Variants in PTCHD4 observed in about 807,000 individuals in gnomAD.
PTCHD4 encodes patched domain containing 4.
Under a neutral mutation model 58.1 loss-of-function variants are expected in PTCHD4, and 33 were observed. The observed-to-expected ratio is 0.57, with a 90% CI of 0.43 to 0.76. The LOEUF (loss-of-function observed/expected upper bound fraction) is 0.76. PTCHD4 is among the 30% of genes least tolerant of loss of function. PTCHD4 has a pLI of 0.00. For missense variants in PTCHD4, 1,058 were observed against 1,027.1 expected (o/e 1.03, Z -0.41); for synonymous variants, 478 against 409.6 (o/e 1.17, Z -2.02).
chr6:47,891,054 A>AG (rs1202843375), intron 4 of PTCHD4: 1 of 160,364 alleles, frequency 6.2e-6, no homozygotes, highest in Non-Finnish European at 1.3e-5. Flanking sequence ...CTAAAAAAAA[A>AG]AAAAAAAAGT....
chr6:48,007,936 GCA>G (rs10554552), intron 4 of PTCHD4, among the ~76,000 whole-genome samples: 35,268 of 150,228 alleles, frequency 0.23, 4,920 homozygotes, highest in Non-Finnish European at 0.32. Context: ...GTGCGCGCGC[GCA>G]CACACACACA....
intron 4 of PTCHD4, among the ~76,000 whole-genome samples, chr6:47,960,636 C>T (rs1324287557): frequency 2.0e-5 from 3 of 151,676 alleles, no homozygotes; most frequent in African/African-American, 7.3e-5. Context: ...ATTATTCCTG[C>T]AATATAATAC....
chr6:47,905,381 T>C (rs532786683), intron 4 of PTCHD4, among the ~76,000 whole-genome samples: 1 of 152,324 alleles, frequency 6.6e-6, no homozygotes, highest in Non-Finnish European at 1.5e-5. Flanking sequence ...GATGGTGGCT[T>C]AGACTAAGTT....
At chr6:47,982,519 C>T (rs1365309382) in intron 4 of PTCHD4, among the ~76,000 whole-genome samples, 1 of 133,376 alleles carries the variant, frequency 7.5e-6, no homozygotes, top group African/African-American at 2.8e-5. Flanking sequence ...GATGGAGTCT[C>T]GCTCAGTCGC....
intron 3 of PTCHD4, among the ~76,000 whole-genome samples, chr6:48,052,242 G>A (rs570945534): frequency 6.6e-6 from 1 of 152,026 alleles, no homozygotes; most frequent in East Asian, 1.9e-4. Context: ...AAACAAAAAG[G>A]GTAGGAGGTT....
chr6:48,105,098 A>G (rs1478531876), intron 1 of PTCHD4, among the ~76,000 whole-genome samples: 3 of 152,210 alleles, frequency 2.0e-5, no homozygotes, highest in Admixed American at 6.5e-5. Flanking sequence ...TGCACCAAGC[A>G]GACCTAATAG....
rs1763580904 is a variant in PTCHD4 at position 47,866,920 on chromosome 6, G to A, written c.*11383C>T. 6.6e-6 allele frequency among the ~76,000 whole-genome samples: 1 copy of A among 151,700 alleles called. No individual in the cohort carries two copies. Among genetic ancestry groups the A allele is most frequent in the African/African-American group, 2.4e-5 (1 of 41,358 alleles). ...AATTTACATTTAGAAAAGGATAGAT[G>A]GGGAGAAAATCTATGCAGTTATTTT... On this transcript the variant is annotated 3_prime_UTR_variant, in exon 5 of 5. Transcript: ENST00000339488.
intron 3 of PTCHD4, among the ~76,000 whole-genome samples, chr6:48,038,700 T>C (rs1165394793): frequency 6.7e-6 from 1 of 148,200 alleles, no homozygotes; most frequent in East Asian, 2.0e-4. Flanking sequence ...CTAACCTGAG[T>C]TTATAAGGAT....
At chr6:47,917,206 C>T (rs113572861) in intron 4 of PTCHD4, among the ~76,000 whole-genome samples, 7,147 of 151,518 alleles carry the variant, frequency 0.047, 194 homozygotes, top group East Asian at 0.079. Context: ...TTCAATAATG[C>T]TATTTTGGGC....
rs1373274397 is a variant in PTCHD4, at chr6:47,877,386, A to G, written c.*917T>C. ...GGGTGAGCTCACTGAAAGCAGCCAT[A>G]TCAGTCTTCCAAATACAGTAAAAGC... On this transcript the variant is annotated 3_prime_UTR_variant, in exon 5 of 5. Transcript: ENST00000339488. Among the ~76,000 whole-genome samples the G allele has an allele frequency of 6.6e-6, 1 of 152,102 alleles. No homozygotes were observed. Among genetic ancestry groups the G allele is most frequent in the Non-Finnish European group, 1.5e-5 (1 of 67,990 alleles).
intron 3 of PTCHD4, among the ~76,000 whole-genome samples, chr6:48,021,458 G>C (rs371812422): frequency 6.6e-6 from 1 of 151,970 alleles, no homozygotes; most frequent in African/African-American, 2.4e-5. Flanking sequence ...GCCCACATAA[G>C]GTTCTTTTTA....
chr6:48,043,988 G>A (rs567530315), intron 3 of PTCHD4, among the ~76,000 whole-genome samples: 12 of 151,928 alleles, frequency 7.9e-5, no homozygotes, highest in African/African-American at 2.2e-4. Flanking sequence ...GGGAAGAATA[G>A]GAGAAATGAA....
chr6:47,941,603 A>G (rs1439610484), intron 4 of PTCHD4, among the ~76,000 whole-genome samples: 1 of 152,172 alleles, frequency 6.6e-6, no homozygotes, highest in East Asian at 1.9e-4. Flanking sequence ...ATCTAGAAAG[A>G]TGCAAAATAC....
At chr6:48,022,055 T>C (rs1763089491) in intron 3 of PTCHD4, among the ~76,000 whole-genome samples, 1 of 152,152 alleles carries the variant, frequency 6.6e-6, no homozygotes, top group Non-Finnish European at 1.5e-5. Flanking sequence ...CTTAATCTTT[T>C]GATAAAACAA....
chr6:47,999,136 G>A (rs1468523177), intron 4 of PTCHD4, among the ~76,000 whole-genome samples: 2 of 152,130 alleles, frequency 1.3e-5, no homozygotes, highest in Admixed American at 1.3e-4. Flanking sequence ...ACTCATTAAA[G>A]AGCTAAAGTG....
At chr6:47,955,771 A>G (rs1766835643) in intron 4 of PTCHD4, among the ~76,000 whole-genome samples, 1 of 152,172 alleles carries the variant, frequency 6.6e-6, no homozygotes, top group Non-Finnish European at 1.5e-5. Context: ...TAACAGAATA[A>G]TTGTGGTTTA....
intron 4 of PTCHD4, among the ~76,000 whole-genome samples, chr6:47,971,974 A>C (rs1767529838): frequency 6.6e-6 from 1 of 152,246 alleles, no homozygotes; most frequent in African/African-American, 2.4e-5. Context: ...ACAGAAAAGC[A>C]AGACAATTAC....
At chr6:47,989,451 T>C (rs1768201196) in intron 4 of PTCHD4, among the ~76,000 whole-genome samples, 2 of 152,206 alleles carry the variant, frequency 1.3e-5, no homozygotes, top group Admixed American at 1.3e-4. Context: ...TTTCCTGTCA[T>C]AGGCCCAGAG....
At chr6:47,988,733 C>T (rs986501376) in intron 4 of PTCHD4, among the ~76,000 whole-genome samples, 9 of 152,204 alleles carry the variant, frequency 5.9e-5, no homozygotes, top group Non-Finnish European at 1.3e-4. Context: ...CATCTCCCAC[C>T]ATGATTGTGA....
Sources: gnomAD v4.1 joint callset for allele counts (sites outside exome capture counted in the v4.1 genomes callset) on GRCh38, gnomAD v4.1.1 for gene constraint, MANE v1.5 for transcripts, NCBI Gene and HGNC (gene_info 2026-07-23, HGNC 2026-07-21) for gene names.